PREPL: variants seen among roughly 807,000 people sequenced by gnomAD.
PREPL encodes the protein prolyl endopeptidase like, also known as prolyl endopeptidase-like.
A neutral mutation model predicts 70.6 loss-of-function variants in PREPL; 77 were observed. The ratio of observed to expected loss-of-function variants is 1.09; its 90% CI spans 0.91 to 1.32. The LOEUF (loss-of-function observed/expected upper bound fraction) is 1.32. PREPL is among the 40% of genes most tolerant of loss of function. The probability of loss-of-function intolerance (pLI) is 0.00; values close to 1 mark genes in which losing one functional copy is unlikely to be tolerated. For synonymous variants in PREPL, 315 were observed against 264.8 expected, an observed-to-expected ratio of 1.19 and a Z score of -1.84; for missense variants, 1,002 against 778.2, an observed-to-expected ratio of 1.29 and a Z score of -3.42.
intron 2 of PREPL, among the ~76,000 whole-genome samples, chr2:44,345,633 C>A (rs1363891565): frequency 2.0e-5 from 3 of 152,156 alleles, no homozygotes; most frequent in East Asian, 3.9e-4. Context: ...CAGGCGTGAG[C>A]CACTGCACGC....
chr2:44,326,799 T>G lies in PREPL; in HGVS notation c.1392A>C (p.Thr464=), dbSNP rs1270309819. The G allele has an allele frequency of 6.2e-7, 1 of 1,614,136 alleles. No homozygotes were observed. The highest frequency in any genetic ancestry group is 8.5e-7 in the Non-Finnish European group (1 of 1,180,010). The change falls in exon 10 of 14, where the codon ACA becomes ACC. Residue 464 remains threonine (T), a synonymous_variant. Coordinates refer to ENST00000409411, the MANE Select transcript of PREPL (RefSeq NM_001171613.2). Reference sequence around the variant, plus strand: ...CTCCAGCACTGAAAGCAGTCAGGGTTGTTAGACTTGGCTGAGAAAAGCCTT... The same window carrying G: ...CTCCAGCACTGAAAGCAGTCAGGGTGGTTAGACTTGGCTGAGAAAAGCCTT... The part of the protein sequence containing the change: ...HGQGFSQPSL[T]TLTAFSAGGV...
intron 9 of PREPL, 34 bp downstream of exon 9, chr2:44,328,903 G>C (rs372180015): frequency 8.8e-5 from 139 of 1,580,070 alleles, no homozygotes; most frequent in Middle Eastern, 6.7e-4. Flanking sequence ...CAATGGTCTA[G>C]CACTTACATG....
At position 44,343,834 on chromosome 2, in the gene PREPL, G is replaced by A; in HGVS notation, c.260C>T (p.Thr87Ile). The A allele has an allele frequency of 3.1e-6, 5 of 1,613,904 alleles. No individual in the cohort carries two copies. Among genetic ancestry groups the A allele is most frequent in the Non-Finnish European group, 4.2e-6 (5 of 1,179,820 alleles). ...ACAGGTAGATGCTTCAGAATCTTCA[G>A]TTCTTATCTTGGCAGCCACATATTT... is the stretch of plus-strand genomic sequence containing the variant. ...DEKYVAAKIR[T>I]EDSEASTCVI... Residue 87 changes from threonine (T) to isoleucine (I), a missense_variant, in exon 4 of 14, where the codon ACT (threonine) becomes ATT (isoleucine). Thr to Ile is a moderately conservative substitution (Grantham distance 89, BLOSUM62 -1). Coordinates refer to ENST00000409411, the MANE Select transcript of PREPL (RefSeq NM_001171613.2).
intron 1 of PREPL, among the ~76,000 whole-genome samples, chr2:44,352,843 C>T (rs552031516): frequency 2.0e-5 from 3 of 151,994 alleles, no homozygotes; most frequent in African/African-American, 4.8e-5. Flanking sequence ...ACAAAGGACA[C>T]GTAAAGAAAT....
At chr2:44,324,301 G>A (rs1310576823) in intron 10 of PREPL, among the ~76,000 whole-genome samples, 1 of 152,158 alleles carries the variant, frequency 6.6e-6, no homozygotes, top group South Asian at 2.1e-4. Context: ...GTTTTGTTAA[G>A]ATGAAAAACG....
At chr2:44,359,867 A>C in intron 1 of PREPL, 3 of 597,200 alleles carry the variant, frequency 5.0e-6, no homozygotes, top group Admixed American at 3.1e-5. Flanking sequence ...TAGGTTATGA[A>C]TAACTTCAGA....
chr2:44,345,468 C>T (rs1226168465), intron 2 of PREPL, among the ~76,000 whole-genome samples: 1 of 152,042 alleles, frequency 6.6e-6, no homozygotes, highest in African/African-American at 2.4e-5. Flanking sequence ...TCTCCTGCCT[C>T]GGCCTCCTGA....
chr2:44,335,058 C>T (rs1011162496), intron 7 of PREPL, among the ~76,000 whole-genome samples: 9 of 152,070 alleles, frequency 5.9e-5, no homozygotes, highest in African/African-American at 2.2e-4. Flanking sequence ...TTATTATATA[C>T]CAGGTACTAA....
At chr2:44,355,486 T>G (rs1388517529) in intron 1 of PREPL, among the ~76,000 whole-genome samples, 1 of 151,996 alleles carries the variant, frequency 6.6e-6, no homozygotes, top group Non-Finnish European at 1.5e-5. Flanking sequence ...GAGGTGGAGG[T>G]TGCAGTGAGC....
intron 10 of PREPL, among the ~76,000 whole-genome samples, chr2:44,326,241 G>A (rs1180875666): frequency 6.6e-6 from 1 of 152,152 alleles, no homozygotes; most frequent in Non-Finnish European, 1.5e-5. Flanking sequence ...AAAGAACACT[G>A]TATCAGAGAA....
At chr2:44,333,625 A>AC (rs1674342119) in intron 7 of PREPL, among the ~76,000 whole-genome samples, 1 of 70,478 alleles carries the variant, frequency 1.4e-5, no homozygotes, top group Non-Finnish European at 3.9e-5. Context: ...TCTCTTATTA[A>AC]TAAAAAAAAA....
At chr2:44,338,566 G>A (rs1674878218) in intron 6 of PREPL, 30 bp from the exon 7 acceptor site, 1 of 1,554,000 alleles carries the variant, frequency 6.4e-7, no homozygotes, top group Non-Finnish European at 8.7e-7. Context: ...AAGACATATA[G>A]GTAAGAAAAC....
At position 44,344,553 on chromosome 2, in the gene PREPL, C is replaced by G. The variant is rs1300155261; in HGVS notation, c.109G>C (p.Gly37Arg). 5 of 1,603,992 alleles carry G rather than the reference C, an allele frequency of 3.1e-6. No individual in the cohort carries two copies. Among genetic ancestry groups the G allele is most frequent in the Non-Finnish European group, 4.3e-6 (5 of 1,175,700 alleles). Residue 37 changes from glycine (G) to arginine (R), a missense_variant, in exon 3 of 14, where the codon GGT becomes CGT. Physicochemically the swap from Gly to Arg is moderately radical, Grantham distance 125. Transcript: ENST00000409411. ...TCTTTGGAACGAACCAAGCAACAACCTTCTTGGTAATAAACAAAACCACCA... is the reference window on the plus strand; with the variant it reads ...TCTTTGGAACGAACCAAGCAACAACGTTCTTGGTAATAAACAAAACCACCA... Reference protein sequence around the residue: ...KHGGFVYYQEGCCLVRSKDEE... With the variant: ...KHGGFVYYQERCCLVRSKDEE...
chr2:44,349,621 T>C (rs761353729), intron 1 of PREPL, among the ~76,000 whole-genome samples: 12 of 152,170 alleles, frequency 7.9e-5, no homozygotes, highest in Non-Finnish European at 1.6e-4. Flanking sequence ...AATTAAAAGT[T>C]GGTTCTTTTA....
chr2:44,322,806 G>A lies in PREPL; in HGVS notation c.1678C>T (p.Pro560Ser). ...GTATAACTTACAATTCCTTTCAGAGGTACCCGTTCATCGTTTTCATATGCC... is the reference window on the plus strand; with the variant it reads ...GTATAACTTACAATTCCTTTCAGAGATACCCGTTCATCGTTTTCATATGCC... ...ITAYENDERV[P>S]LKGIVSYTEK... The change falls in exon 12 of 14, where the codon CCT (proline) becomes TCT (serine). Residue 560 changes from proline (P) to serine (S), a missense_variant. Physicochemically the swap from Pro to Ser is moderately conservative, Grantham distance 74 (BLOSUM62 -1). Transcript: ENST00000409411. The A allele has an allele frequency of 6.2e-7, 1 of 1,613,710 alleles. No homozygotes were observed. The highest frequency in any genetic ancestry group is 1.1e-5 in the South Asian group (1 of 91,068).
intron 7 of PREPL, 114 bp from the exon 8 acceptor site, chr2:44,332,770 TACC>T (rs1674251809): frequency 1.3e-6 from 1 of 793,210 alleles, no homozygotes; most frequent in African/African-American, 1.8e-5. Flanking sequence ...TACTTTTTGT[TACC>T]ACGTCATGCC....
Position 44,332,468 on chromosome 2 carries a change from G to T in PREPL, c.1077C>A (p.Ala359=). The T allele has an allele frequency of 6.2e-7, 1 of 1,613,156 alleles. No individual in the cohort carries two copies. Among genetic ancestry groups the T allele is most frequent in the Non-Finnish European group, 8.5e-7 (1 of 1,179,212 alleles). Residue 359 remains alanine (A), a synonymous_variant, in exon 8 of 14, where the codon GCC becomes GCA. Coordinates refer to ENST00000409411, the MANE Select transcript of PREPL (RefSeq NM_001171613.2). The stretch of plus-strand genomic sequence containing the variant: ...AGATTATAAGACCTACCTTGCTTTT[G>T]GCTTCTAGACGTAAAACGCGACTAG... ...TKTSRVLRLE[A]KSKDGKLVPM...
At chr2:44,321,783 T>G in intron 13 of PREPL, 44 bp downstream of exon 13, 1 of 1,613,694 alleles carries the variant, frequency 6.2e-7, no homozygotes, top group Non-Finnish European at 8.5e-7. Flanking sequence ...ACAACATGTA[T>G]CTAGTTCGGG....
chr2:44,351,507 G>A (rs572725125), intron 1 of PREPL, among the ~76,000 whole-genome samples: 3 of 104,632 alleles, frequency 2.9e-5, no homozygotes, highest in East Asian at 4.4e-4. Flanking sequence ...TATATCCCTC[G>A]CCCTATTAAA....
Sources: allele counts gnomAD v4.1 joint callset (sites outside exome capture counted in the v4.1 genomes callset), GRCh38; gene constraint gnomAD v4.1.1; transcripts MANE v1.5; gene names NCBI Gene and HGNC (gene_info 2026-07-23, HGNC 2026-07-21).